Variants in PPARGC1A observed in about 807,000 individuals in gnomAD.
PPARGC1A encodes peroxisome proliferator-activated receptor gamma coactivator 1-alpha.
In PPARGC1A, 25 loss-of-function variants were observed where a neutral mutation model predicts 88.7. The observed-to-expected ratio is 0.28, with a 90% CI of 0.21 to 0.39. PPARGC1A has a LOEUF of 0.39. Among genes scored for constraint, PPARGC1A ranks in the 10% least tolerant of loss-of-function variants. The probability of loss-of-function intolerance (pLI) is 1.00; values close to 1 mark genes in which losing one functional copy is unlikely to be tolerated. For synonymous variants in PPARGC1A, 363 were observed against 355.6 expected, an observed-to-expected ratio of 1.02 and a Z score of -0.24; for missense variants, 880 against 968.7, an observed-to-expected ratio of 0.91 and a Z score of 1.22.
chr4:24,229,519 C>T, the PPARGC1A span, among the ~76,000 whole-genome samples: 1 of 151,264 alleles, frequency 6.6e-6, no homozygotes, highest in Non-Finnish European at 1.5e-5. Context: ...TGGTATACCC[C>T]TCAAAAGAAA....
At chr4:24,038,668 T>G in the PPARGC1A span, among the ~76,000 whole-genome samples, 1 of 152,156 alleles carries the variant, frequency 6.6e-6, no homozygotes, top group Non-Finnish European at 1.5e-5. Flanking sequence ...TCATTCTATC[T>G]GGGTTGCTGG....
chr4:24,339,749 G>GT, the PPARGC1A span, among the ~76,000 whole-genome samples: 9 of 152,068 alleles, frequency 5.9e-5, no homozygotes, highest in Admixed American at 5.9e-4. Context: ...ATTTTGCTTT[G>GT]TTTTTTTCAG....
At chr4:24,037,165 A>G in the PPARGC1A span, among the ~76,000 whole-genome samples, 1 of 152,218 alleles carries the variant, frequency 6.6e-6, no homozygotes, top group South Asian at 2.1e-4. Context: ...CCTTCCTTAA[A>G]TTTTGTTCTG....
At chr4:24,138,561 A>C in the PPARGC1A span, among the ~76,000 whole-genome samples, 1 of 152,224 alleles carries the variant, frequency 6.6e-6, no homozygotes, top group Non-Finnish European at 1.5e-5. Flanking sequence ...CCCAGAATTA[A>C]GTGCCTGGGA....
At chr4:23,810,121 T>C (rs910774918) in intron 10 of PPARGC1A, among the ~76,000 whole-genome samples, 1 of 152,234 alleles carries the variant, frequency 6.6e-6, no homozygotes, top group Non-Finnish European at 1.5e-5. Context: ...AGAAACAGCA[T>C]GTAATTGTCC....
At chr4:24,398,713 G>A in the PPARGC1A span, among the ~76,000 whole-genome samples, 1 of 152,168 alleles carries the variant, frequency 6.6e-6, no homozygotes, top group African/African-American at 2.4e-5. Flanking sequence ...GATCACATGA[G>A]GCTGATCTGA....
At chr4:24,192,545 A>G in the PPARGC1A span, among the ~76,000 whole-genome samples, 1 of 152,180 alleles carries the variant, frequency 6.6e-6, no homozygotes, top group Non-Finnish European at 1.5e-5. Flanking sequence ...TACTTTGTGA[A>G]ATCTTCCCCA....
At chr4:24,081,827 G>A in the PPARGC1A span, among the ~76,000 whole-genome samples, 6 of 151,954 alleles carry the variant, frequency 3.9e-5, no homozygotes, top group East Asian at 1.2e-3. Context: ...AACACATACA[G>A]GATTGTGTTT....
At chr4:24,398,964 T>C in the PPARGC1A span, among the ~76,000 whole-genome samples, 259 of 152,332 alleles carry the variant, frequency 1.7e-3, 1 homozygote, top group African/African-American at 5.8e-3. Flanking sequence ...AATAACTCTC[T>C]TGGCCAACAG....
chr4:24,160,817 A>G, the PPARGC1A span, among the ~76,000 whole-genome samples: 1 of 152,168 alleles, frequency 6.6e-6, no homozygotes, highest in African/African-American at 2.4e-5. Context: ...ACAAGCTGCA[A>G]TTTAGAAATA....
At chr4:23,967,589 G>A in the PPARGC1A span, among the ~76,000 whole-genome samples, 1 of 152,148 alleles carries the variant, frequency 6.6e-6, no homozygotes, top group Non-Finnish European at 1.5e-5. Flanking sequence ...ATAGGGAAGG[G>A]AAGAGATACA....
chr4:23,812,914 G>A lies in PPARGC1A; in HGVS notation c.1899-47C>T, dbSNP rs767484315. 2.5e-6 allele frequency: 4 copies of A among 1,613,534 alleles called. No individual in the cohort carries two copies. In the South Asian group the frequency reaches 3.3e-5, roughly 13 times the overall value. ...CTAAGTCAACCACCTCAATTTTCATGAGCAAAATGAATAATAATATGGGGA... is the reference window on the plus strand; with the variant it reads ...CTAAGTCAACCACCTCAATTTTCATAAGCAAAATGAATAATAATATGGGGA... On this transcript the variant is annotated intron_variant, in intron 9 of 12. Transcript: ENST00000264867.
the PPARGC1A span, among the ~76,000 whole-genome samples, chr4:24,313,494 T>C: frequency 6.6e-6 from 1 of 152,250 alleles, no homozygotes; most frequent in East Asian, 1.9e-4. Flanking sequence ...CATTGCGGTA[T>C]ACTGCAAGGC....
At chr4:23,898,834 ATTTTT>A (rs34953632) in intron 1 of PPARGC1A, among the ~76,000 whole-genome samples, 9 of 133,240 alleles carry the variant, frequency 6.8e-5, no homozygotes, top group Admixed American at 7.5e-5. Flanking sequence ...TGAGGTGGGT[ATTTTT>A]TTTTTTTTTT....
the PPARGC1A span, among the ~76,000 whole-genome samples, chr4:24,272,080 C>CT: frequency 6.6e-6 from 1 of 152,114 alleles, no homozygotes; most frequent in Non-Finnish European, 1.5e-5. Context: ...GTTTTCTCCT[C>CT]TGTTTACTCC....
chr4:24,357,764 G>GT, the PPARGC1A span, among the ~76,000 whole-genome samples: 1 of 152,240 alleles, frequency 6.6e-6, no homozygotes, highest in Non-Finnish European at 1.5e-5. Flanking sequence ...ATATCTGATG[G>GT]TTTTTTAAGG....
the PPARGC1A span, among the ~76,000 whole-genome samples, chr4:24,053,406 G>T: frequency 2.6e-5 from 4 of 152,132 alleles, no homozygotes; most frequent in Admixed American, 2.0e-4. Context: ...GATACTATGG[G>T]TGAAAGTTGC....
At chr4:24,303,101 T>C in the PPARGC1A span, among the ~76,000 whole-genome samples, 4 of 152,096 alleles carry the variant, frequency 2.6e-5, no homozygotes, top group Non-Finnish European at 4.4e-5. Flanking sequence ...ACATCTTCCA[T>C]CTCCCTTACA....
At chr4:24,051,185 C>T in the PPARGC1A span, among the ~76,000 whole-genome samples, 4 of 27,422 alleles carry the variant, frequency 1.5e-4, no homozygotes, top group Admixed American at 2.2e-3. Flanking sequence ...ATGACTCTGT[C>T]TCAAAAAAAA....
Sources: gnomAD v4.1 joint callset for allele counts (sites outside exome capture counted in the v4.1 genomes callset) on GRCh38, gnomAD v4.1.1 for gene constraint, MANE v1.5 for transcripts, NCBI Gene and HGNC (gene_info 2026-07-23, HGNC 2026-07-21) for gene names.